The following CD47 variants were observed in gnomAD, a reference collection of about 807,000 sequenced individuals.
The protein encoded by CD47 is CD47 molecule.
Under a neutral mutation model 44.6 loss-of-function variants are expected in CD47, and 11 were observed. That is an observed-to-expected ratio of 0.25 (90% CI 0.16 to 0.41). CD47 has a LOEUF of 0.41. CD47 is among the 10% of genes least tolerant of loss of function. CD47 has a pLI of 1.00. For synonymous variants in CD47, 140 were observed against 136.3 expected (o/e 1.03, Z -0.19); for missense variants, 306 against 386.7 (o/e 0.79, Z 1.75).
chr3:108,062,016 AC>A (rs2079023589), intron 3 of CD47, among the ~76,000 whole-genome samples: 1 of 152,298 alleles, frequency 6.6e-6, no homozygotes, highest in South Asian at 2.1e-4. Flanking sequence ...ATTTCTATCT[AC>A]CCATAATTTA....
chr3:108,054,701 C>T (rs1576989565), intron 7 of CD47: 1 of 152,082 alleles, frequency 6.6e-6, no homozygotes, highest in Admixed American at 6.5e-5. Flanking sequence ...TCTATTGATA[C>T]CAAATTTACC....
chr3:108,048,597 G>C (rs993097038), intron 10 of CD47, among the ~76,000 whole-genome samples: 1 of 151,900 alleles, frequency 6.6e-6, no homozygotes, highest in African/African-American at 2.4e-5. Flanking sequence ...TGTTAGCCAG[G>C]ATGGTCTCGA....
At chr3:108,050,949 G>A in intron 8 of CD47, 2 of 275,674 alleles carry the variant, frequency 7.3e-6, no homozygotes, top group Non-Finnish European at 1.5e-5. Flanking sequence ...AGAGGTGGAA[G>A]CAAAACAGAA....
chr3:108,072,565 G>T (rs2079224236), intron 2 of CD47, among the ~76,000 whole-genome samples: 2 of 152,186 alleles, frequency 1.3e-5, no homozygotes, highest in African/African-American at 4.8e-5. Context: ...GTGAATGGAA[G>T]ACTTTTTTTT....
chr3:108,074,887 C>T (rs6805725), intron 2 of CD47, among the ~76,000 whole-genome samples: 151,562 of 152,258 alleles, frequency 1, 75,437 homozygotes, highest in Middle Eastern at 1. Context: ...TAAGAACCAA[C>T]TGAGATGCTG....
intron 2 of CD47, among the ~76,000 whole-genome samples, chr3:108,074,628 T>G (rs555003754): frequency 6.7e-6 from 1 of 149,034 alleles, no homozygotes; most frequent in Non-Finnish European, 1.5e-5. Context: ...TAAGTGATTC[T>G]TAACTGGAAC....
chr3:108,087,975 C>A (rs2079553832), intron 1 of CD47, among the ~76,000 whole-genome samples: 1 of 151,362 alleles, frequency 6.6e-6, no homozygotes, highest in Non-Finnish European at 1.5e-5. Context: ...TATTCTTGTT[C>A]TTTTTATCAC....
chr3:108,069,974 C>G (rs1042194970), intron 3 of CD47, among the ~76,000 whole-genome samples: 2 of 152,142 alleles, frequency 1.3e-5, no homozygotes, highest in African/African-American at 4.8e-5. Context: ...AATGTCTTGA[C>G]AGTTGCCACT....
At chr3:108,069,506 G>A (rs1399738992) in intron 3 of CD47, among the ~76,000 whole-genome samples, 2 of 136,484 alleles carry the variant, frequency 1.5e-5, no homozygotes, top group Admixed American at 7.8e-5. Flanking sequence ...GGGGACTACA[G>A]ATGAGTTTTT....
chr3:108,068,009 G>A (rs1289101070), intron 3 of CD47, among the ~76,000 whole-genome samples: 1 of 152,132 alleles, frequency 6.6e-6, no homozygotes, highest in Non-Finnish European at 1.5e-5. Flanking sequence ...ATGCAGAGCT[G>A]GAAAAACCAC....
At chr3:108,064,239 T>C (rs1285196574) in intron 3 of CD47, among the ~76,000 whole-genome samples, 1 of 152,160 alleles carries the variant, frequency 6.6e-6, no homozygotes, top group Non-Finnish European at 1.5e-5. Flanking sequence ...CTCAAGGCCC[T>C]TACATTCTAA....
At chr3:108,080,546 T>A (rs1318815495) in intron 1 of CD47, among the ~76,000 whole-genome samples, 2 of 151,390 alleles carry the variant, frequency 1.3e-5, no homozygotes, top group Non-Finnish European at 3.0e-5. Flanking sequence ...GAAGGCATCA[T>A]TATGACTTTT....
intron 3 of CD47, among the ~76,000 whole-genome samples, chr3:108,070,330 G>A (rs895091621): frequency 2.6e-5 from 4 of 152,288 alleles, no homozygotes; most frequent in South Asian, 4.1e-4. Flanking sequence ...AATAAATCTT[G>A]TATTTAAAAA....
chr3:108,044,448 CAAA>C lies in CD47; in HGVS notation c.*2837_*2839del, dbSNP rs869104856. On this transcript the variant is annotated 3_prime_UTR_variant, in exon 11 of 11. Transcript: ENST00000361309. ...AAAAAAAAAAAAAAAAAAAAAAAAA[CAAA>C]AAAAAAAAACAGAAAGAAAGAAAAC... 1 of 60,206 alleles carries C rather than the reference CAAA, an allele frequency of 1.7e-5. No individual in the cohort carries two copies. Among genetic ancestry groups the C allele is most frequent in the Non-Finnish European group, 3.6e-5 (1 of 28,126 alleles). 3.7% of individuals were successfully genotyped at this position (60,206 alleles called of 1,614,324 possible). A position where few individuals can be genotyped will look rare whatever the true frequency, so the allele number is the denominator to read the frequency against.
chr3:108,050,807 T>TA (rs2078813573), intron 8 of CD47: 2 of 503,514 alleles, frequency 4.0e-6, no homozygotes, highest in Non-Finnish European at 3.8e-6. Flanking sequence ...TAATAATAAC[T>TA]GTATTATTCT....
At chr3:108,087,291 G>C (rs886171078) in intron 1 of CD47, among the ~76,000 whole-genome samples, 1 of 152,126 alleles carries the variant, frequency 6.6e-6, no homozygotes, top group African/African-American at 2.4e-5. Context: ...ATAAAGGTCT[G>C]GGGTAGAGTG....
chr3:108,086,021 G>A (rs765735866), intron 1 of CD47, among the ~76,000 whole-genome samples: 6 of 152,068 alleles, frequency 3.9e-5, no homozygotes, highest in Non-Finnish European at 8.8e-5. Flanking sequence ...TTTAAACTGG[G>A]TCTTAAAGGA....
chr3:108,049,077 A>G (rs887404016), intron 10 of CD47, among the ~76,000 whole-genome samples: 1 of 151,156 alleles, frequency 6.6e-6, no homozygotes, highest in African/African-American at 2.4e-5. Flanking sequence ...AATGGAAGCA[A>G]AAGCTGAGGA....
At chr3:108,071,395 C>T (rs1033304076) in intron 2 of CD47, among the ~76,000 whole-genome samples, 5 of 152,240 alleles carry the variant, frequency 3.3e-5, no homozygotes, top group African/African-American at 4.8e-5. Flanking sequence ...ATAAAAACTA[C>T]ACTTACTTAA....
Sources: allele counts gnomAD v4.1 joint callset (sites outside exome capture counted in the v4.1 genomes callset), GRCh38; gene constraint gnomAD v4.1.1; transcripts MANE v1.5; gene names NCBI Gene and HGNC (gene_info 2026-07-23, HGNC 2026-07-21).